The following B4GALNT4 variants were observed in gnomAD, a reference collection of about 807,000 sequenced individuals.
B4GALNT4 encodes the protein N-acetyl-beta-glucosaminyl-glycoprotein 4-beta-N-acetylgalactosaminyltransferase 1.
In B4GALNT4, 77 loss-of-function variants were observed where a neutral mutation model predicts 110.0. The ratio of observed to expected loss-of-function variants is 0.70; its 90% CI spans 0.58 to 0.85. The LOEUF is 0.85. Among genes scored for constraint, B4GALNT4 ranks in the 40% least tolerant of loss-of-function variants. B4GALNT4 has a pLI of 0.00. For synonymous variants in B4GALNT4, 785 were observed against 655.5 expected (o/e 1.20, Z -3.02); for missense variants, 1,575 against 1,506.0 (o/e 1.05, Z -0.76).
chr11:375,457 G>T lies in B4GALNT4; in HGVS notation c.784-4G>T, dbSNP rs761604506. 63 of 1,611,326 alleles carry T rather than the reference G, an allele frequency of 3.9e-5. No individual in the cohort carries two copies. The highest frequency in any genetic ancestry group is 5.3e-5 in the African/African-American group (4 of 74,824). ...CCCTGACCCCCACCCTCTCTGCCCC[G>T]CAGTGGCGAGCTTTCCTGCCCGGCC... is the stretch of plus-strand genomic sequence containing the variant. On this transcript the variant is annotated splice_region_variant and splice_polypyrimidine_tract_variant and intron_variant, in intron 8 of 19. Coordinates refer to ENST00000329962, the MANE Select transcript of B4GALNT4 (RefSeq NM_178537.5).
Position 375,817 on chromosome 11 carries a change from C to G in B4GALNT4, c.986-30C>G, listed in dbSNP as rs1590339054. ...GGGGGCGAGGGCGGGGGTGCCTGCC[C>G]CAGCCACCCTGTGACCGCACCTCCT... is the stretch of plus-strand genomic sequence containing the variant. On this transcript the variant is annotated intron_variant, in intron 10 of 19. Coordinates refer to ENST00000329962, the MANE Select transcript of B4GALNT4 (RefSeq NM_178537.5). The G allele has an allele frequency of 1.9e-6, 3 of 1,604,272 alleles. No individual in the cohort carries two copies. The East Asian group carries it at 6.7e-5, about 36-fold the overall frequency.
chr11:378,100 G>T (rs1203004030), intron 14 of B4GALNT4, among the ~76,000 whole-genome samples: 1 of 152,094 alleles, frequency 6.6e-6, no homozygotes, highest in Non-Finnish European at 1.5e-5. Context: ...AGGGGCAGAG[G>T]ATGGAGACAG....
At position 380,126 on chromosome 11, in the gene B4GALNT4, C is replaced by T; in HGVS notation, c.2643-4C>T. The T allele has an allele frequency of 1.2e-6, 2 of 1,601,430 alleles. No individual in the cohort carries two copies. The highest frequency in any genetic ancestry group is 1.7e-6 in the Non-Finnish European group (2 of 1,171,678). On this transcript the variant is annotated splice_region_variant and splice_polypyrimidine_tract_variant and intron_variant, in intron 16 of 19. Transcript: ENST00000329962. Reference sequence around the variant, plus strand: ...AGATCGTGCCTGTGACTCGCCCTCCCCAGGTACCAGTACCTGAGACGAACC... The same window carrying T: ...AGATCGTGCCTGTGACTCGCCCTCCTCAGGTACCAGTACCTGAGACGAACC...
rs757815894 is a variant in B4GALNT4, at chr11:381,771, C to T, written c.3099C>T (p.Gly1033=). 47 of 1,583,344 alleles carry T rather than the reference C, an allele frequency of 3.0e-5. No individual in the cohort carries two copies. Among genetic ancestry groups the T allele is most frequent in the Non-Finnish European group, 3.9e-5 (45 of 1,168,484 alleles). ...TGTGGAGCGTCCGCAGCAGGAAGGG[C>T]TCTCGCACGGGGGCGTCTTGAGGAC... ...RGMWSVRSRK[G]SRTGAS Residue 1033 remains glycine, a synonymous_variant, in exon 20 of 20, where the codon GGC becomes GGT. Coordinates refer to ENST00000329962, the MANE Select transcript of B4GALNT4 (RefSeq NM_178537.5).
At chr11:377,937 A>G (rs1846793662) in intron 14 of B4GALNT4, among the ~76,000 whole-genome samples, 1 of 152,190 alleles carries the variant, frequency 6.6e-6, no homozygotes, top group Non-Finnish European at 1.5e-5. Flanking sequence ...AGGCCTGTGG[A>G]GTTCTAAGAA....
intron 11 of B4GALNT4, 49 bp from the exon 12 acceptor site, chr11:376,024 GC>G (rs1194960322): frequency 6.2e-7 from 1 of 1,602,868 alleles, no homozygotes; most frequent in Non-Finnish European, 8.5e-7. Context: ...CCCTTGGGAG[GC>G]CGCCCCGGGA....
chr11:381,944 C>T lies in B4GALNT4; in HGVS notation c.*152C>T. 1.0e-6 allele frequency: 1 copy of T among 955,622 alleles called. No individual in the cohort carries two copies. Among genetic ancestry groups the T allele is most frequent in the South Asian group, 2.4e-5 (1 of 41,940 alleles). 59.2% of individuals were successfully genotyped at this position (955,622 alleles called of 1,614,324 possible). Reference sequence around the variant, plus strand: ...CCTCTCTGGCCCACTGGGCGTCGTGCCCCTCCCCGGAGAGGCAGCCTTCAC... The same window carrying T: ...CCTCTCTGGCCCACTGGGCGTCGTGTCCCTCCCCGGAGAGGCAGCCTTCAC... On this transcript the variant is annotated 3_prime_UTR_variant, in exon 20 of 20. Coordinates refer to ENST00000329962, the MANE Select transcript of B4GALNT4 (RefSeq NM_178537.5).
Position 381,957 on chromosome 11 carries a change from A to G in B4GALNT4, c.*165A>G. On this transcript the variant is annotated 3_prime_UTR_variant, in exon 20 of 20. Coordinates refer to ENST00000329962, the MANE Select transcript of B4GALNT4 (RefSeq NM_178537.5). Reference sequence around the variant, plus strand: ...CTGGGCGTCGTGCCCCTCCCCGGAGAGGCAGCCTTCACGGCGGGTCAGGGC... The same window carrying G: ...CTGGGCGTCGTGCCCCTCCCCGGAGGGGCAGCCTTCACGGCGGGTCAGGGC... The G allele has an allele frequency of 3.7e-6, 3 of 810,542 alleles. No individual in the cohort carries two copies. The highest frequency in any genetic ancestry group is 5.2e-6 in the Non-Finnish European group (3 of 571,644). 50.2% of individuals were successfully genotyped at this position (810,542 alleles called of 1,614,324 possible).
At chr11:372,437 G>A (rs115944026) in intron 2 of B4GALNT4, among the ~76,000 whole-genome samples, 1,681 of 152,142 alleles carry the variant, frequency 0.011, 31 homozygotes, top group African/African-American at 0.038. Flanking sequence ...TGTGCCGGCC[G>A]GTCAGTGTGT....
Position 377,043 on chromosome 11 carries a change from C to T in B4GALNT4, c.1920C>T (p.Pro640=), listed in dbSNP as rs1283804845. 5 of 1,438,572 alleles carry T rather than the reference C, an allele frequency of 3.5e-6. No individual in the cohort carries two copies. In the South Asian group the frequency reaches 6.0e-5, roughly 17 times the overall value. 89.1% of individuals were successfully genotyped at this position (1,438,572 alleles called of 1,614,324 possible). Residue 640 remains proline (P), a synonymous_variant, in exon 14 of 20, where the codon CCC becomes CCT. Coordinates refer to ENST00000329962, the MANE Select transcript of B4GALNT4 (RefSeq NM_178537.5). ...SLSQVSGPQL[P]GEGEEEEEGE... ...CCCAGGTGTCCGGGCCGCAGCTGCC[C>T]GGGGAGGGCGAAGAGGAGGAGGAAG... is the stretch of plus-strand genomic sequence containing the variant.
Position 377,116 on chromosome 11 carries a change from G to A in B4GALNT4, c.1993G>A (p.Glu665Lys). 6.7e-7 allele frequency: 1 copy of A among 1,491,818 alleles called. No individual in the cohort carries two copies. Among genetic ancestry groups the A allele is most frequent in the Non-Finnish European group, 8.9e-7 (1 of 1,121,660 alleles). 92.4% of individuals were successfully genotyped at this position (1,491,818 alleles called of 1,614,324 possible). A position where few individuals can be genotyped will look rare whatever the true frequency, so the allele number is the denominator to read the frequency against. Residue 665 changes from glutamate to lysine, a missense_variant, in exon 14 of 20, where the codon GAG becomes AAG. Coordinates refer to ENST00000329962, the MANE Select transcript of B4GALNT4 (RefSeq NM_178537.5). ...CGACGAGGCCGCGTCGGAGGACAGCGAGGAGGCCGCGGGCCCGGCGCTCGG... is the reference window on the plus strand; with the variant it reads ...CGACGAGGCCGCGTCGGAGGACAGCAAGGAGGCCGCGGGCCCGGCGCTCGG... ...PGDEAASEDS[E>K]EAAGPALGRW...
chr11:370,021 C>CGCGGGG (rs1564866504), intron 1 of B4GALNT4, 67 bp downstream of exon 1: 4 of 39,754 alleles, frequency 1.0e-4, no homozygotes, highest in Non-Finnish European at 1.5e-4. Flanking sequence ...GGGGCGCGGG[C>CGCGGGG]GGCGCGGGGG....
chr11:369,852 C>T lies in B4GALNT4; in HGVS notation c.49C>T (p.Leu17=). The T allele has an allele frequency of 1.0e-6, 1 of 994,376 alleles. No individual in the cohort carries two copies. Among genetic ancestry groups the T allele is most frequent in the South Asian group, 4.5e-5 (1 of 22,430 alleles). The allele number at this position is 994,376 out of a possible 1,614,324, so 61.6% of individuals were successfully genotyped here. ...GATCCGTAAGCAGATGAAGCTGCTGCTGCTGCTGCTGCTGCTGAGCTGCGC... is the reference window on the plus strand; with the variant it reads ...GATCCGTAAGCAGATGAAGCTGCTGTTGCTGCTGCTGCTGCTGAGCTGCGC... ...KKIRKQMKLL[L]LLLLLSCAAW... The change falls in exon 1 of 20, where the codon CTG becomes TTG. Residue 17 remains leucine, a synonymous_variant. Transcript: ENST00000329962.
Position 372,768 on chromosome 11 carries a change from G to T in B4GALNT4, c.348+14G>T. The stretch of plus-strand genomic sequence containing the variant: ...TGGCGGGAGGAGGTGAGCTGGCTCG[G>T]CCTGTAATGGGCTGGGAGGCAGGGC... On this transcript the variant is annotated intron_variant, in intron 3 of 19. Transcript: ENST00000329962. 6.3e-7 allele frequency: 1 copy of T among 1,579,380 alleles called. No homozygotes were observed. Among genetic ancestry groups the T allele is most frequent in the Non-Finnish European group, 8.6e-7 (1 of 1,164,544 alleles).
In B4GALNT4 at chr11:377,037, G is replaced by C. The variant is rs1347148524; in HGVS notation, c.1914G>C (p.Gln638His). 7.0e-7 allele frequency: 1 copy of C among 1,437,448 alleles called. No individual in the cohort carries two copies. The highest frequency in any genetic ancestry group is 2.7e-5 in the East Asian group (1 of 36,490). 89.0% of individuals were successfully genotyped at this position (1,437,448 alleles called of 1,614,324 possible). Residue 638 changes from glutamine (Q) to histidine (H), a missense_variant, in exon 14 of 20, where the codon CAG becomes CAC. Coordinates refer to ENST00000329962, the MANE Select transcript of B4GALNT4 (RefSeq NM_178537.5). Reference sequence around the variant, plus strand: ...GCTTGTCCCAGGTGTCCGGGCCGCAGCTGCCCGGGGAGGGCGAAGAGGAGG... The same window carrying C: ...GCTTGTCCCAGGTGTCCGGGCCGCACCTGCCCGGGGAGGGCGAAGAGGAGG... Reference protein sequence around the residue: ...FLSLSQVSGPQLPGEGEEEEE... With the variant: ...FLSLSQVSGPHLPGEGEEEEE...
chr11:376,187 C>T lies in B4GALNT4; in HGVS notation c.1196+13C>T. The T allele has an allele frequency of 9.9e-7, 1 of 1,008,006 alleles. No individual in the cohort carries two copies. Among genetic ancestry groups the T allele is most frequent in the Non-Finnish European group, 1.4e-6 (1 of 699,902 alleles). The allele number at this position is 1,008,006 out of a possible 1,614,324, so 62.4% of individuals were successfully genotyped here. ...TGTATCTGGAGAGGTGGGCGCGCGGCCGGGCTAATGCGGGGCGGGGTGGGC... is the reference window on the plus strand; with the variant it reads ...TGTATCTGGAGAGGTGGGCGCGCGGTCGGGCTAATGCGGGGCGGGGTGGGC... On this transcript the variant is annotated intron_variant, in intron 12 of 19. Coordinates refer to ENST00000329962, the MANE Select transcript of B4GALNT4 (RefSeq NM_178537.5).
chr11:371,223 G>A (rs903812428), intron 1 of B4GALNT4, among the ~76,000 whole-genome samples: 8 of 152,190 alleles, frequency 5.3e-5, no homozygotes, highest in African/African-American at 1.9e-4. Context: ...GCCAGGACCA[G>A]AGGAGCCCAA....
Position 381,866 on chromosome 11 carries a change from C to T in B4GALNT4, c.*74C>T, listed in dbSNP as rs563084177. 4.9e-3 allele frequency: 7,152 copies of T among 1,445,488 alleles called. 25 individuals carry two copies. The highest frequency in any genetic ancestry group is 5.6e-3 in the Non-Finnish European group (6,164 of 1,096,068). 89.5% of individuals were successfully genotyped at this position (1,445,488 alleles called of 1,614,324 possible). On this transcript the variant is annotated 3_prime_UTR_variant, in exon 20 of 20. Coordinates refer to ENST00000329962, the MANE Select transcript of B4GALNT4 (RefSeq NM_178537.5). ...GGGGGCTGGGCTTTGAGCTCGGTCC[C>T]GAGAGACCCGGCAGGGCTGGTCAGA...
chr11:370,722 G>T (rs1284889989), intron 1 of B4GALNT4, among the ~76,000 whole-genome samples: 4 of 152,136 alleles, frequency 2.6e-5, no homozygotes, highest in Non-Finnish European at 5.9e-5. Flanking sequence ...CTGGAGGAGG[G>T]AGGTTAGTGC....
Sources: gnomAD v4.1 joint callset for allele counts (sites outside exome capture counted in the v4.1 genomes callset) on GRCh38, gnomAD v4.1.1 for gene constraint, MANE v1.5 for transcripts, NCBI Gene and HGNC (gene_info 2026-07-23, HGNC 2026-07-21) for gene names.